CCSER1: variants seen among roughly 807,000 people sequenced by gnomAD.
CCSER1 encodes the protein serine-rich coiled-coil domain-containing protein 1.
A neutral mutation model predicts 82.0 loss-of-function variants in CCSER1; 41 were observed. The observed-to-expected ratio is 0.50, with a 90% CI of 0.39 to 0.65. The LOEUF (loss-of-function observed/expected upper bound fraction) is 0.65, where lower values mean the gene tolerates loss of function less well. CCSER1 is among the 30% of genes least tolerant of loss of function. CCSER1 has a pLI of 0.00. For missense variants in CCSER1, 1,119 were observed against 1,064.2 expected, an observed-to-expected ratio of 1.05 and a Z score of -0.72; for synonymous variants, 414 against 383.9, an observed-to-expected ratio of 1.08 and a Z score of -0.92.
At chr4:91,346,419 AT>A (rs1388406706) in intron 10 of CCSER1, among the ~76,000 whole-genome samples, 2 of 152,210 alleles carry the variant, frequency 1.3e-5, no homozygotes, top group Non-Finnish European at 2.9e-5. Flanking sequence ...AATTATGGCA[AT>A]TGTGATTAAA....
chr4:91,437,902 C>T (rs1754781660), intron 10 of CCSER1, among the ~76,000 whole-genome samples: 2 of 152,230 alleles, frequency 1.3e-5, no homozygotes, highest in Admixed American at 1.3e-4. Context: ...TGAGATCAAA[C>T]TGCAAGGCAG....
intron 1 of CCSER1, among the ~76,000 whole-genome samples, chr4:90,275,472 A>G (rs1426670959): frequency 6.6e-6 from 1 of 152,190 alleles, no homozygotes; most frequent in Non-Finnish European, 1.5e-5. Flanking sequence ...AAAAATGTTC[A>G]GAATGTCATC....
chr4:90,749,868 C>G (rs997948870), intron 7 of CCSER1, among the ~76,000 whole-genome samples: 1 of 151,736 alleles, frequency 6.6e-6, no homozygotes, highest in African/African-American at 2.4e-5. Context: ...AATCGCCACA[C>G]TGACTTCCAC....
intron 10 of CCSER1, among the ~76,000 whole-genome samples, chr4:91,583,830 C>T (rs1763854309): frequency 6.6e-6 from 1 of 151,320 alleles, no homozygotes; most frequent in Admixed American, 6.6e-5. Context: ...TAAAGGATGG[C>T]TGCAACTTTA....
chr4:91,175,218 A>G (rs1246452895), intron 10 of CCSER1, among the ~76,000 whole-genome samples: 1 of 152,040 alleles, frequency 6.6e-6, no homozygotes, highest in Non-Finnish European at 1.5e-5. Flanking sequence ...AATCCAGTCT[A>G]TTGTTGATGG....
chr4:91,250,261 A>G (rs1170344973), intron 10 of CCSER1, among the ~76,000 whole-genome samples: 3 of 152,184 alleles, frequency 2.0e-5, no homozygotes, highest in African/African-American at 7.2e-5. Context: ...ATTGTTTTAA[A>G]TGGATTGGAT....
chr4:91,115,243 G>T (rs1726443815), intron 10 of CCSER1, among the ~76,000 whole-genome samples: 1 of 152,172 alleles, frequency 6.6e-6, no homozygotes. Flanking sequence ...AACTAAGTGA[G>T]ATCATTAGCA....
intron 1 of CCSER1, among the ~76,000 whole-genome samples, chr4:90,192,823 AG>A (rs1735907368): frequency 6.6e-6 from 1 of 152,108 alleles, no homozygotes; most frequent in Admixed American, 6.6e-5. Flanking sequence ...AATATAAGGC[AG>A]TAGGAACAAT....
intron 10 of CCSER1, among the ~76,000 whole-genome samples, chr4:91,486,510 G>A (rs1758228854): frequency 6.6e-6 from 1 of 152,008 alleles, no homozygotes; most frequent in African/African-American, 2.4e-5. Flanking sequence ...ATACACAAAA[G>A]TAAAATAATT....
intron 7 of CCSER1, among the ~76,000 whole-genome samples, chr4:90,803,801 T>C (rs1655646457): frequency 6.6e-6 from 1 of 152,194 alleles, no homozygotes; most frequent in South Asian, 2.1e-4. Context: ...TCTTCCACAA[T>C]GGTTGAACTA....
intron 8 of CCSER1, among the ~76,000 whole-genome samples, chr4:90,822,531 A>G (rs753593839): frequency 2.0e-5 from 3 of 152,178 alleles, no homozygotes; most frequent in African/African-American, 4.8e-5. Context: ...GTTTGAGTCC[A>G]GCATGGCCAA....
chr4:90,317,048 A>G (rs1363327032), intron 3 of CCSER1, among the ~76,000 whole-genome samples: 1 of 151,610 alleles, frequency 6.6e-6, no homozygotes, highest in Admixed American at 6.6e-5. Context: ...GCTGTTCTAG[A>G]AAAAAGTTAA....
At chr4:90,166,307 AT>A (rs2153370715) in intron 1 of CCSER1, among the ~76,000 whole-genome samples, 1 of 152,066 alleles carries the variant, frequency 6.6e-6, no homozygotes, top group South Asian at 2.1e-4. Flanking sequence ...CAACTTAGAT[AT>A]TTTCAACTTA....
Position 90,681,694 on chromosome 4 carries a change from C to T in CCSER1, c.1933-42220C>T, listed in dbSNP as rs1423720330. Among the ~76,000 whole-genome samples, 2 of 2,106 alleles carry T rather than the reference C, an allele frequency of 9.5e-4. 1 individual carries two copies. Among genetic ancestry groups the T allele is most frequent in the Admixed American group, 0.011 (2 of 188 alleles). The allele number at this position is 2,106 out of a possible 152,430, so 1.4% of individuals were successfully genotyped here. ...GAAATGCAGAAATCACCGTCTTCTG[C>T]GTCGCTCACGCTGGGAGCTGTAGAC... On this transcript the variant is annotated intron_variant, in intron 6 of 10. Transcript: ENST00000509176.
chr4:91,135,175 G>A (rs1728354234), intron 10 of CCSER1, among the ~76,000 whole-genome samples: 1 of 152,096 alleles, frequency 6.6e-6, no homozygotes, highest in Non-Finnish European at 1.5e-5. Flanking sequence ...AATATCACTA[G>A]TAATTGGACA....
chr4:91,539,647 A>T (rs1400342144), intron 10 of CCSER1, among the ~76,000 whole-genome samples: 1 of 152,136 alleles, frequency 6.6e-6, no homozygotes, highest in Non-Finnish European at 1.5e-5. Flanking sequence ...ATTATGACAG[A>T]ATTAAATAAT....
chr4:90,248,268 TAATA>T (rs1183677429), intron 1 of CCSER1, among the ~76,000 whole-genome samples: 3 of 152,338 alleles, frequency 2.0e-5, no homozygotes, highest in Admixed American at 6.5e-5. Context: ...AACAGGTCCT[TAATA>T]AATATGTATT....
intron 9 of CCSER1, among the ~76,000 whole-genome samples, chr4:91,022,438 T>G (rs1330327091): frequency 6.6e-6 from 1 of 152,162 alleles, no homozygotes; most frequent in Admixed American, 6.5e-5. Flanking sequence ...GTTCCAAGTC[T>G]TTGCTATTGT....
chr4:91,152,184 A>G (rs774650721), intron 10 of CCSER1, among the ~76,000 whole-genome samples: 7 of 152,136 alleles, frequency 4.6e-5, no homozygotes, highest in Non-Finnish European at 7.3e-5. Context: ...TATATTTAGG[A>G]TAGTTAGCTC....
Sources: gnomAD v4.1 joint callset for allele counts (sites outside exome capture counted in the v4.1 genomes callset) on GRCh38, gnomAD v4.1.1 for gene constraint, MANE v1.5 for transcripts, NCBI Gene and HGNC (gene_info 2026-07-23, HGNC 2026-07-21) for gene names.